The following DLC1 variants were observed in gnomAD, a reference collection of about 807,000 sequenced individuals.
DLC1 encodes DLC1 Rho GTPase activating protein, also known as rho GTPase-activating protein 7.
Under a neutral mutation model 140.3 loss-of-function variants are expected in DLC1, and 54 were observed. The ratio of observed to expected loss-of-function variants is 0.38; its 90% CI spans 0.31 to 0.48. The LOEUF (loss-of-function observed/expected upper bound fraction) is 0.48, where lower values mean the gene tolerates loss of function less well. Ranked by LOEUF, DLC1 falls within the 20% of genes least tolerant of loss-of-function variation. The pLI is 0.96. For missense variants in DLC1, 2,536 were observed against 1,907.0 expected, an observed-to-expected ratio of 1.33 and a Z score of -6.14; for synonymous variants, 986 against 728.1, an observed-to-expected ratio of 1.35 and a Z score of -5.70.
intron 16 of DLC1, 29 bp downstream of exon 16, chr8:13,088,458 T>A (rs762428951): frequency 6.2e-7 from 1 of 1,611,700 alleles, no homozygotes; most frequent in South Asian, 1.1e-5. Flanking sequence ...GTCATCCTTG[T>A]CACAAAAAAA....
chr8:13,441,460 G>A lies in DLC1; in HGVS notation c.1024-39841C>T, dbSNP rs146355044. On this transcript the variant is annotated intron_variant, in intron 2 of 17. Transcript: ENST00000276297. Reference sequence around the variant, plus strand: ...AACATGATTGTATATCTAGAAAACCGCATCGTCACAGCCCAAAATCTCCTT... The same window carrying A: ...AACATGATTGTATATCTAGAAAACCACATCGTCACAGCCCAAAATCTCCTT... Among the ~76,000 whole-genome samples, 957 of 152,236 alleles carry A rather than the reference G, an allele frequency of 6.3e-3. 11 individuals are homozygous for A. Among genetic ancestry groups the A allele is most frequent in the African/African-American group, 0.021 (882 of 41,546 alleles).
At chr8:13,096,410 A>G (rs1818502961) in intron 10 of DLC1, among the ~76,000 whole-genome samples, 2 of 152,216 alleles carry the variant, frequency 1.3e-5, no homozygotes, top group Non-Finnish European at 2.9e-5. Flanking sequence ...ACCAGCAGCC[A>G]TGGCATGTTA....
intron 5 of DLC1, among the ~76,000 whole-genome samples, chr8:13,149,083 C>T (rs1823631926): frequency 1.3e-5 from 2 of 152,152 alleles, no homozygotes; most frequent in Admixed American, 6.5e-5. Context: ...TGAGCCACTG[C>T]GCCCAGCCAA....
chr8:13,417,437 TCTATGA>T (rs1838120076), intron 2 of DLC1, among the ~76,000 whole-genome samples: 1 of 142,138 alleles, frequency 7.0e-6, no homozygotes, highest in African/African-American at 2.6e-5. Flanking sequence ...TCAATTCCCA[TCTATGA>T]GTGAGAATAT....
At chr8:13,100,923 T>TTTAG (rs1819028800) in intron 8 of DLC1, 153 bp from the exon 9 acceptor site, 8 of 716,730 alleles carry the variant, frequency 1.1e-5, no homozygotes, top group Non-Finnish European at 1.6e-5. Flanking sequence ...TTTTTTTTTT[T>TTTAG]AAAAATAGGG....
chr8:13,552,518 C>T (rs1442810899), intron 1 of DLC1, among the ~76,000 whole-genome samples: 3 of 151,040 alleles, frequency 2.0e-5, no homozygotes, highest in South Asian at 4.2e-4. Flanking sequence ...ATAGAAGTAT[C>T]AGCTGTAACC....
intron 4 of DLC1, among the ~76,000 whole-genome samples, chr8:13,305,713 G>A (rs1054996011): frequency 4.6e-5 from 7 of 152,000 alleles, no homozygotes; most frequent in African/African-American, 7.2e-5. Flanking sequence ...GGCATGCACC[G>A]GTAGTCCCAG....
At chr8:13,359,034 G>T (rs929805531) in intron 4 of DLC1, among the ~76,000 whole-genome samples, 3 of 152,156 alleles carry the variant, frequency 2.0e-5, no homozygotes, top group African/African-American at 2.4e-5. Flanking sequence ...CGCGTCCCGG[G>T]TTCACGCCAT....
chr8:13,338,654 C>G (rs1011644012), intron 4 of DLC1: 50 of 152,270 alleles, frequency 3.3e-4, no homozygotes, highest in African/African-American at 1.2e-3. Context: ...GTCTATTTCC[C>G]ATGTCCCCAC....
At chr8:13,322,630 A>G (rs899079029) in intron 4 of DLC1, among the ~76,000 whole-genome samples, 2 of 152,152 alleles carry the variant, frequency 1.3e-5, no homozygotes, top group Non-Finnish European at 2.9e-5. Flanking sequence ...TAAAGTTCCA[A>G]ATTTTAAATA....
chr8:13,549,643 G>A lies in DLC1; in HGVS notation c.-125-49447C>T, dbSNP rs142836615. Among the ~76,000 whole-genome samples, 120 of 152,276 alleles carry A rather than the reference G, an allele frequency of 7.9e-4. 1 individual carries two copies. The highest frequency in any genetic ancestry group is 2.8e-3 in the African/African-American group (115 of 41,572). The stretch of plus-strand genomic sequence containing the variant: ...AAATTTTTAAACCCTGTTAAAGGAT[G>A]TGGTAGAAAAAACATCTGGAAAAGA... On this transcript the variant is annotated intron_variant, in intron 1 of 1. Transcript: ENST00000631382.
At chr8:13,146,515 T>G (rs972580823) in intron 5 of DLC1, among the ~76,000 whole-genome samples, 15 of 151,916 alleles carry the variant, frequency 9.9e-5, no homozygotes, top group Admixed American at 2.6e-4. Context: ...CTTCTTTGTA[T>G]TGTCAAAGCC....
At chr8:13,325,449 T>TACACACACACAC (rs1554497506) in intron 4 of DLC1, among the ~76,000 whole-genome samples, 25 of 38,298 alleles carry the variant, frequency 6.5e-4, no homozygotes, top group African/African-American at 1.5e-3. Context: ...TAGTTCTGTA[T>TACACACACACAC]ACACACACAC....
Position 13,596,250 on chromosome 8 carries a change from T to C in DLC1, c.-126+8287A>G, listed in dbSNP as rs143699709. Among the ~76,000 whole-genome samples, 137 of 152,100 alleles carry C rather than the reference T, an allele frequency of 9.0e-4. 1 individual carries two copies. Among genetic ancestry groups the C allele is most frequent in the African/African-American group, 3.0e-3 (126 of 41,526 alleles). The stretch of plus-strand genomic sequence containing the variant: ...TGTTAGGAACCTTTAAAAATGGCTT[T>C]CCATTTTATTATTATATTGCCTTCT... On this transcript the variant is annotated intron_variant, in intron 1 of 1. Coordinates refer to the DLC1 transcript ENST00000631382.
At chr8:13,402,918 T>A (rs1433199117) in intron 2 of DLC1, among the ~76,000 whole-genome samples, 1 of 152,236 alleles carries the variant, frequency 6.6e-6, no homozygotes, top group African/African-American at 2.4e-5. Context: ...AAGAGCAGAT[T>A]GTTAATATTA....
intron 1 of DLC1, among the ~76,000 whole-genome samples, chr8:13,531,497 A>T (rs1343280114): frequency 1.3e-5 from 2 of 152,116 alleles, no homozygotes. Context: ...GAGGCAGGAG[A>T]ATCACTTGAA....
At chr8:13,288,993 G>T (rs1831646447) in intron 5 of DLC1, among the ~76,000 whole-genome samples, 1 of 152,096 alleles carries the variant, frequency 6.6e-6, no homozygotes, top group Non-Finnish European at 1.5e-5. Flanking sequence ...CCATTTTTAG[G>T]AATTACAAAA....
chr8:13,469,426 G>C (rs1800105305), intron 2 of DLC1, among the ~76,000 whole-genome samples: 1 of 152,126 alleles, frequency 6.6e-6, no homozygotes, highest in African/African-American at 2.4e-5. Context: ...TAACTGAATT[G>C]CTCTGTGGCC....
chr8:13,108,849 T>C (rs919719565), intron 7 of DLC1, among the ~76,000 whole-genome samples: 3 of 152,222 alleles, frequency 2.0e-5, no homozygotes, highest in East Asian at 1.9e-4. Flanking sequence ...GTAGTTCATA[T>C]TCCAGATGCA....
Sources: allele counts gnomAD v4.1 joint callset (sites outside exome capture counted in the v4.1 genomes callset), GRCh38; gene constraint gnomAD v4.1.1; transcripts MANE v1.5; gene names NCBI Gene and HGNC (gene_info 2026-07-23, HGNC 2026-07-21).